Variants in RBFOX3 observed in about 807,000 individuals in gnomAD.
RBFOX3 encodes the protein RNA binding fox-1 homolog 3.
A neutral mutation model predicts 48.7 loss-of-function variants in RBFOX3; 17 were observed. The ratio of observed to expected loss-of-function variants is 0.35; its 90% CI spans 0.24 to 0.52. The LOEUF (loss-of-function observed/expected upper bound fraction) is 0.52, where lower values mean the gene tolerates loss of function less well. Among genes scored for constraint, RBFOX3 ranks in the 20% least tolerant of loss-of-function variants. RBFOX3 has a pLI of 0.94. For missense variants in RBFOX3, 382 were observed against 497.5 expected (o/e 0.77, Z 2.21); for synonymous variants, 212 against 209.5 (o/e 1.01, Z -0.10).
intron 3 of RBFOX3, among the ~76,000 whole-genome samples, chr17:79,287,925 C>T (rs569241286): frequency 3.3e-5 from 5 of 152,284 alleles, no homozygotes; most frequent in South Asian, 2.1e-4. Context: ...ACAGTGAGTG[C>T]GGCTGTGCAT....
At chr17:79,440,999 GGCTTGGGCCCAGGGGCA>G (rs1168868541) in intron 2 of RBFOX3, among the ~76,000 whole-genome samples, 1 of 152,238 alleles carries the variant, frequency 6.6e-6, no homozygotes, top group Non-Finnish European at 1.5e-5. Context: ...CGCCAGAGCT[GGCTTGGGCCCAGGGGCA>G]GCTTTGCAGG....
intron 4 of RBFOX3, among the ~76,000 whole-genome samples, chr17:79,138,927 G>C (rs1425782453): frequency 1.9e-5 from 1 of 52,486 alleles, no homozygotes; most frequent in Non-Finnish European, 3.5e-5. Context: ...CACGCACACA[G>C]CACATGCATT....
At chr17:79,259,721 A>G (rs972180708) in intron 3 of RBFOX3, among the ~76,000 whole-genome samples, 1 of 152,090 alleles carries the variant, frequency 6.6e-6, no homozygotes, top group Non-Finnish European at 1.5e-5. Flanking sequence ...CCCGGGAGCC[A>G]GGAGACGCAG....
chr17:79,167,269 C>T (rs1253937351), intron 4 of RBFOX3, among the ~76,000 whole-genome samples: 2 of 151,518 alleles, frequency 1.3e-5, no homozygotes, highest in Non-Finnish European at 2.9e-5. Flanking sequence ...GAGTGCTAGG[C>T]CCCTCTTCCC....
chr17:79,317,762 A>G (rs180904798), intron 2 of RBFOX3, among the ~76,000 whole-genome samples: 273 of 152,312 alleles, frequency 1.8e-3, no homozygotes, highest in Non-Finnish European at 2.9e-3. Context: ...ATCTTAAAAA[A>G]AAAAAAGTTG....
rs1359372432 is a variant in RBFOX3 at position 79,148,021 on chromosome 17, G to A, written c.-33-32273C>T. Among the ~76,000 whole-genome samples, 7 of 152,368 alleles carry A rather than the reference G, an allele frequency of 4.6e-5. No individual in the cohort carries two copies. The East Asian group carries it at 9.7e-4, about 21-fold the overall frequency. ...GCCGCCGCTGCCGTGGGGCCCCGGG[G>A]GGAGGGCGGATGTACAGGGCCAGGC... On this transcript the variant is annotated intron_variant, in intron 4 of 14. Transcript: ENST00000693108.
rs1013716940 is a variant in RBFOX3, at chr17:79,111,851, C to G, written c.222+3643G>C. Among the ~76,000 whole-genome samples the G allele has an allele frequency of 2.0e-5, 3 of 152,268 alleles. No individual in the cohort carries two copies. The highest frequency in any genetic ancestry group is 4.8e-5 in the African/African-American group (2 of 41,476). On this transcript the variant is annotated intron_variant, in intron 5 of 14. Coordinates refer to ENST00000693108, the MANE Select transcript of RBFOX3 (RefSeq NM_001350451.2). The surrounding 1 kb of genome is among the most constrained non-coding windows in gnomAD (Gnocchi z 4.2). ...AGATGGTGACCCCTGCTGGGGAACACAGACCCTGGGGGTGGCTCAAGGTAG... is the reference window on the plus strand; with the variant it reads ...AGATGGTGACCCCTGCTGGGGAACAGAGACCCTGGGGGTGGCTCAAGGTAG...
chr17:79,375,060 G>A (rs567628858), intron 2 of RBFOX3, among the ~76,000 whole-genome samples: 245 of 152,146 alleles, frequency 1.6e-3, no homozygotes, highest in Non-Finnish European at 2.5e-3. Context: ...CCCTGGGCTC[G>A]CCAAGAGCCA....
chr17:79,138,292 A>G (rs1039929113), intron 4 of RBFOX3, among the ~76,000 whole-genome samples: 2 of 152,088 alleles, frequency 1.3e-5, no homozygotes, highest in Non-Finnish European at 1.5e-5. Flanking sequence ...TACACACAGT[A>G]CACACTCGCA....
chr17:79,429,186 C>T (rs1555727176), intron 2 of RBFOX3, among the ~76,000 whole-genome samples: 1 of 152,260 alleles, frequency 6.6e-6, no homozygotes, highest in Non-Finnish European at 1.5e-5. Context: ...CTTGCAGCCT[C>T]TTCAGGGACA....
At chr17:79,267,661 G>C (rs2377389) in intron 3 of RBFOX3, among the ~76,000 whole-genome samples, 80,543 of 151,994 alleles carry the variant, frequency 0.53, 21,968 homozygotes, top group East Asian at 0.8. Flanking sequence ...AAAGTGCTGG[G>C]ATTACAGGTG....
At chr17:79,458,132 G>C (rs1222956293) in intron 2 of RBFOX3, among the ~76,000 whole-genome samples, 1 of 152,256 alleles carries the variant, frequency 6.6e-6, no homozygotes, top group East Asian at 1.9e-4. Context: ...GGAGCAGGGA[G>C]AGGTCCGTCT....
intron 2 of RBFOX3, among the ~76,000 whole-genome samples, chr17:79,320,435 C>G (rs2078342313): frequency 6.6e-6 from 1 of 152,258 alleles, no homozygotes; most frequent in Admixed American, 6.5e-5. Flanking sequence ...GAATGCCCAT[C>G]TGGTCATTTC....
Position 79,443,707 on chromosome 17 carries a change from A to C in RBFOX3, c.-175+38747T>G, listed in dbSNP as rs78986731. On this transcript the variant is annotated intron_variant, in intron 2 of 14. Transcript: ENST00000693108. This position sits in a 1 kb window ranked among gnomAD's most constrained non-coding sequence, Gnocchi z 4.4. ...TGTTCACTGTCTCACATGTGCACACACTCGTTCTCACATGCTCACACTACT... is the reference window on the plus strand; with the variant it reads ...TGTTCACTGTCTCACATGTGCACACCCTCGTTCTCACATGCTCACACTACT... Among the ~76,000 whole-genome samples the C allele has an allele frequency of 0.036, 5,435 of 152,048 alleles. 126 individuals are homozygous for C. Among genetic ancestry groups the C allele is most frequent in the Non-Finnish European group, 0.052 (3,510 of 67,950 alleles).
chr17:79,466,422 G>C (rs2076326054), intron 2 of RBFOX3, among the ~76,000 whole-genome samples: 1 of 152,176 alleles, frequency 6.6e-6, no homozygotes, highest in Non-Finnish European at 1.5e-5. Context: ...TGCCCCTTGG[G>C]GAGTCGAGGG....
At chr17:79,614,150 G>A (rs1252423959), upstream of RBFOX3, among the ~76,000 whole-genome samples, 1 of 152,254 alleles carries the variant, frequency 6.6e-6, no homozygotes, top group Non-Finnish European at 1.5e-5. Context: ...ATCCCCCGAA[G>A]GCTCAGAAGG....
At chr17:79,147,004 T>C (rs1014705727) in intron 4 of RBFOX3, among the ~76,000 whole-genome samples, 4 of 152,050 alleles carry the variant, frequency 2.6e-5, no homozygotes, top group Admixed American at 6.5e-5. Flanking sequence ...ATCCTTTACT[T>C]TGGATCTTAC....
chr17:79,663,922 G>A, the RBFOX3 span, among the ~76,000 whole-genome samples: 3 of 152,264 alleles, frequency 2.0e-5, no homozygotes, highest in Non-Finnish European at 2.9e-5. Flanking sequence ...TAAAGCTTGG[G>A]AGAGAACTGA....
intron 3 of RBFOX3, among the ~76,000 whole-genome samples, chr17:79,262,609 T>G (rs1411941474): frequency 6.6e-6 from 1 of 152,024 alleles, no homozygotes; most frequent in African/African-American, 2.4e-5. Context: ...AGGCCCAGGC[T>G]GGTGGGAAGG....
Sources: allele counts gnomAD v4.1 joint callset (sites outside exome capture counted in the v4.1 genomes callset), GRCh38; gene constraint gnomAD v4.1.1; non-coding constraint Gnocchi (gnomAD v3.1); transcripts MANE v1.5; gene names NCBI Gene and HGNC (gene_info 2026-07-23, HGNC 2026-07-21).